PHACTR1: variants seen among roughly 807,000 people sequenced by gnomAD.
PHACTR1 encodes the protein RPEL repeat containing 1.
In PHACTR1, 16 loss-of-function variants were observed where a neutral mutation model predicts 69.2. The ratio of observed to expected loss-of-function variants is 0.23; its 90% CI spans 0.16 to 0.35. The LOEUF (loss-of-function observed/expected upper bound fraction) is 0.35. Ranked by LOEUF, PHACTR1 falls within the 10% of genes least tolerant of loss-of-function variation. The pLI is 1.00. For synonymous variants in PHACTR1, 312 were observed against 284.5 expected, an observed-to-expected ratio of 1.10 and a Z score of -0.97; for missense variants, 510 against 734.7, an observed-to-expected ratio of 0.69 and a Z score of 3.54.
chr6:12,757,266 G>A (rs977623731), intron 4 of PHACTR1, among the ~76,000 whole-genome samples: 2 of 152,138 alleles, frequency 1.3e-5, no homozygotes, highest in Non-Finnish European at 2.9e-5. Flanking sequence ...AAGTGAAAAG[G>A]ACCTAAACTA....
At chr6:13,039,252 A>G (rs1396835367) in intron 4 of PHACTR1, among the ~76,000 whole-genome samples, 2 of 152,218 alleles carry the variant, frequency 1.3e-5, no homozygotes, top group Non-Finnish European at 1.5e-5. Flanking sequence ...AGTGTTTGAT[A>G]AATGATAGAA....
chr6:12,718,345 C>T (rs1418575654), intron 2 of PHACTR1: 1 of 152,440 alleles, frequency 6.6e-6, no homozygotes, highest in African/African-American at 2.4e-5. Flanking sequence ...ACGGCTGACA[C>T]TTAATGACGC....
At chr6:12,731,045 T>C (rs1164335512) in intron 3 of PHACTR1, among the ~76,000 whole-genome samples, 1 of 147,378 alleles carries the variant, frequency 6.8e-6, no homozygotes, top group East Asian at 2.1e-4. Context: ...AGATGGAGTC[T>C]TGCTCTGTTG....
At position 12,861,280 on chromosome 6, in the gene PHACTR1, G is replaced by A. The variant is rs147144855; in HGVS notation, c.250+111490G>A. On this transcript the variant is annotated intron_variant, in intron 4 of 14. Transcript: ENST00000332995. ...AAAAAGGCTTAACAAGTCACCCAACGCTACTATTCAGAAGACAAAAGGGAG... is the reference window on the plus strand; with the variant it reads ...AAAAAGGCTTAACAAGTCACCCAACACTACTATTCAGAAGACAAAAGGGAG... Among the ~76,000 whole-genome samples the A allele has an allele frequency of 1.9e-3, 294 of 152,234 alleles. 1 individual carries two copies. The highest frequency in any genetic ancestry group is 3.1e-3 in the Non-Finnish European group (210 of 68,014).
chr6:12,759,435 G>A (rs1345179780), intron 4 of PHACTR1, among the ~76,000 whole-genome samples: 1 of 130,436 alleles, frequency 7.7e-6, no homozygotes, highest in African/African-American at 3.2e-5. Flanking sequence ...CTCAGAAAAG[G>A]CATTTGCAAA....
intron 4 of PHACTR1, among the ~76,000 whole-genome samples, chr6:12,862,299 C>T (rs1016065208): frequency 3.3e-5 from 5 of 152,134 alleles, no homozygotes; most frequent in African/African-American, 1.2e-4. Context: ...GTTGGTGAGT[C>T]CTGTGGAGAT....
intron 6 of PHACTR1, among the ~76,000 whole-genome samples, chr6:13,173,589 A>ACAT (rs941762767): frequency 2.1e-4 from 32 of 152,346 alleles, no homozygotes; most frequent in Admixed American, 1.8e-3. Context: ...GTTACTCAAC[A>ACAT]CATCATTTTA....
chr6:12,870,489 G>A (rs931682254), intron 4 of PHACTR1, among the ~76,000 whole-genome samples: 36 of 152,266 alleles, frequency 2.4e-4, no homozygotes, highest in Admixed American at 4.6e-4. Flanking sequence ...GTCAGCCTGC[G>A]AAATGTTTAA....
chr6:12,759,122 C>CAAAAAAAAAAAAAA (rs1229879368), intron 4 of PHACTR1, among the ~76,000 whole-genome samples: 1 of 51,470 alleles, frequency 1.9e-5, no homozygotes, highest in African/African-American at 7.2e-5. Flanking sequence ...GACTCCACCT[C>CAAAAAAAAAAAAAA]AAAAAAAAAA....
intron 13 of PHACTR1, among the ~76,000 whole-genome samples, chr6:13,284,424 G>A (rs1331172937): frequency 1.3e-5 from 2 of 148,166 alleles, no homozygotes. Flanking sequence ...GGCTGAGGCA[G>A]GAGAATTGCT....
At chr6:13,210,318 G>C (rs572697038) in intron 8 of PHACTR1, among the ~76,000 whole-genome samples, 2 of 152,276 alleles carry the variant, frequency 1.3e-5, no homozygotes, top group South Asian at 2.1e-4. Flanking sequence ...CACACCTGCA[G>C]AGAAGTTCTT....
At chr6:12,734,749 G>A (rs7746957) in intron 3 of PHACTR1, among the ~76,000 whole-genome samples, 5,111 of 152,156 alleles carry the variant, frequency 0.034, 285 homozygotes, top group African/African-American at 0.11. Context: ...GAGGATGGGC[G>A]GAGTTTAGAT....
intron 4 of PHACTR1, among the ~76,000 whole-genome samples, chr6:12,768,911 G>A (rs1769029545): frequency 6.6e-6 from 1 of 151,236 alleles, no homozygotes; most frequent in African/African-American, 2.4e-5. Flanking sequence ...GCCATTTGCA[G>A]CAAGATGGGC....
At chr6:12,724,249 C>T (rs1656250078) in intron 3 of PHACTR1, among the ~76,000 whole-genome samples, 1 of 152,130 alleles carries the variant, frequency 6.6e-6, no homozygotes, top group Non-Finnish European at 1.5e-5. Flanking sequence ...ATCACTTGGA[C>T]CCAGGAGGCA....
chr6:12,770,643 C>T (rs531449875), intron 4 of PHACTR1, among the ~76,000 whole-genome samples: 3 of 152,296 alleles, frequency 2.0e-5, no homozygotes, highest in South Asian at 2.1e-4. Context: ...CCTTCAAAAA[C>T]GTTTACAGAT....
chr6:12,837,385 A>G lies in PHACTR1; in HGVS notation c.250+87595A>G, dbSNP rs555621658. Among the ~76,000 whole-genome samples, 7 of 152,290 alleles carry G rather than the reference A, an allele frequency of 4.6e-5. No homozygotes were observed. In the South Asian group the frequency reaches 6.2e-4, roughly 14 times the overall value. On this transcript the variant is annotated intron_variant, in intron 4 of 14. Coordinates refer to ENST00000332995, the MANE Select transcript of PHACTR1 (RefSeq NM_030948.6). ...TTCTAAGAAAGCAAGCACCTCCTCA[A>G]TAATTCACTTTATAATTTAAATCTT...
At chr6:12,735,077 G>A (rs566501426) in intron 3 of PHACTR1, among the ~76,000 whole-genome samples, 1 of 152,312 alleles carries the variant, frequency 6.6e-6, no homozygotes, top group African/African-American at 2.4e-5. Context: ...TTGGGGTTTA[G>A]GGTCTGAGGT....
chr6:12,812,973 G>T (rs985235613), intron 4 of PHACTR1, among the ~76,000 whole-genome samples: 35 of 152,318 alleles, frequency 2.3e-4, no homozygotes, highest in African/African-American at 7.7e-4. Flanking sequence ...CATGACCGAG[G>T]CAGCAACAGC....
intron 4 of PHACTR1, among the ~76,000 whole-genome samples, chr6:12,957,146 A>G (rs532929773): frequency 6.7e-4 from 102 of 152,014 alleles, no homozygotes; most frequent in Non-Finnish European, 1.2e-3. Context: ...CAGCGATCTA[A>G]TAGCAGTTAG....
Sources: gnomAD v4.1 joint callset for allele counts (sites outside exome capture counted in the v4.1 genomes callset) on GRCh38, gnomAD v4.1.1 for gene constraint, MANE v1.5 for transcripts, NCBI Gene and HGNC (gene_info 2026-07-23, HGNC 2026-07-21) for gene names.